Variants in BMPR1B observed in about 807,000 individuals in gnomAD.
BMPR1B encodes the protein bone morphogenetic protein receptor type 1B, also known as bone morphogenetic protein receptor type-1B.
BMPR1B carries 12 observed loss-of-function variants against 59.1 expected under a neutral mutation model. That is an observed-to-expected ratio of 0.20 (90% CI 0.13 to 0.33). BMPR1B has a LOEUF of 0.33. Ranked by LOEUF, BMPR1B falls within the 10% of genes least tolerant of loss-of-function variation. The pLI is 1.00. For missense variants in BMPR1B, 550 were observed against 610.9 expected (o/e 0.90, Z 1.05); for synonymous variants, 237 against 207.3 (o/e 1.14, Z -1.23).
At chr4:95,152,225 G>C (rs977401188) in intron 11 of BMPR1B, among the ~76,000 whole-genome samples, 1 of 152,082 alleles carries the variant, frequency 6.6e-6, no homozygotes. Context: ...ATACACTTCT[G>C]AATTTATTAT....
At chr4:94,858,634 A>G (rs1173229321) in intron 1 of BMPR1B, among the ~76,000 whole-genome samples, 1 of 152,202 alleles carries the variant, frequency 6.6e-6, no homozygotes. Context: ...GAAGAGTGAA[A>G]ATAGTTGTTT....
intron 2 of BMPR1B, among the ~76,000 whole-genome samples, chr4:94,932,617 T>A (rs1729133744): frequency 6.6e-6 from 1 of 152,128 alleles, no homozygotes; most frequent in Non-Finnish European, 1.5e-5. Context: ...TAAATGAGTT[T>A]GTCAAATACA....
chr4:94,886,486 T>C (rs1727174744), intron 2 of BMPR1B, among the ~76,000 whole-genome samples: 1 of 152,176 alleles, frequency 6.6e-6, no homozygotes. Context: ...TATAATGGCT[T>C]TATGTTGTAT....
At chr4:95,130,132 T>C in intron 9 of BMPR1B, 78 bp downstream of exon 9, 1 of 1,505,402 alleles carries the variant, frequency 6.6e-7, no homozygotes, top group Non-Finnish European at 9.2e-7. Context: ...GCATGTTAAC[T>C]CATCTGTCTA....
intron 2 of BMPR1B, among the ~76,000 whole-genome samples, chr4:94,919,318 G>C (rs576470483): frequency 1.1e-4 from 16 of 152,212 alleles, no homozygotes; most frequent in African/African-American, 3.6e-4. Context: ...TTCTCTTAGA[G>C]CAATTGCTCT....
At chr4:94,944,041 C>A (rs1729615064) in intron 2 of BMPR1B, among the ~76,000 whole-genome samples, 1 of 152,086 alleles carries the variant, frequency 6.6e-6, no homozygotes, top group African/African-American at 2.4e-5. Context: ...ACAAAACTTT[C>A]TTTCATGCAC....
intron 2 of BMPR1B, among the ~76,000 whole-genome samples, chr4:94,990,029 G>A (rs1054239525): frequency 6.6e-6 from 1 of 152,224 alleles, no homozygotes; most frequent in Non-Finnish European, 1.5e-5. Flanking sequence ...CATATTAGCA[G>A]TTTTACTACT....
chr4:94,873,204 G>A (rs1200609215), intron 1 of BMPR1B, among the ~76,000 whole-genome samples: 2 of 152,036 alleles, frequency 1.3e-5, no homozygotes, highest in African/African-American at 4.8e-5. Flanking sequence ...TCTCCCTTAA[G>A]TACTGACCAC....
chr4:94,890,867 A>G (rs1727366016), intron 2 of BMPR1B, among the ~76,000 whole-genome samples: 1 of 151,978 alleles, frequency 6.6e-6, no homozygotes, highest in Non-Finnish European at 1.5e-5. Flanking sequence ...GTACCATCAC[A>G]TTGGGGGTTA....
intron 1 of BMPR1B, among the ~76,000 whole-genome samples, chr4:94,858,811 T>A (rs1292296027): frequency 1.3e-5 from 2 of 152,186 alleles, no homozygotes; most frequent in Non-Finnish European, 2.9e-5. Flanking sequence ...ACTTCATTTT[T>A]AATACATCAA....
chr4:94,960,653 T>A (rs921313256), intron 2 of BMPR1B, among the ~76,000 whole-genome samples: 2 of 152,072 alleles, frequency 1.3e-5, no homozygotes, highest in Non-Finnish European at 2.9e-5. Flanking sequence ...AGGAAAACAG[T>A]TTATTGAGTA....
At chr4:94,796,751 A>G (rs1723210314) in intron 1 of BMPR1B, among the ~76,000 whole-genome samples, 1 of 152,162 alleles carries the variant, frequency 6.6e-6, no homozygotes, top group African/African-American at 2.4e-5. Flanking sequence ...TAGTGACTGT[A>G]TATTTCCAAA....
chr4:94,894,248 G>C (rs1187654655), intron 2 of BMPR1B, among the ~76,000 whole-genome samples: 1 of 152,016 alleles, frequency 6.6e-6, no homozygotes, highest in South Asian at 2.1e-4. Context: ...TACTCATTGT[G>C]TGTTGGAGAT....
intron 10 of BMPR1B, among the ~76,000 whole-genome samples, chr4:95,137,900 A>G (rs1292714553): frequency 6.6e-6 from 1 of 152,134 alleles, no homozygotes; most frequent in Non-Finnish European, 1.5e-5. Flanking sequence ...CATTCAGCCC[A>G]TTTACATTTA....
chr4:94,978,847 G>A (rs6813361), intron 2 of BMPR1B, among the ~76,000 whole-genome samples: 145,046 of 152,042 alleles, frequency 0.95, 69,220 homozygotes, highest in Middle Eastern at 0.99. Context: ...ATGAACTCAC[G>A]GTTCCACATG....
At chr4:95,098,186 C>G (rs1333513512) in intron 3 of BMPR1B, among the ~76,000 whole-genome samples, 10 of 152,088 alleles carry the variant, frequency 6.6e-5, no homozygotes, top group Admixed American at 6.6e-4. Flanking sequence ...GTTTGTTAGT[C>G]ATCTTGATGT....
intron 2 of BMPR1B, among the ~76,000 whole-genome samples, chr4:94,981,245 C>T (rs1358069597): frequency 6.6e-6 from 1 of 151,658 alleles, no homozygotes; most frequent in Non-Finnish European, 1.5e-5. Context: ...GCTCTATTGC[C>T]CAGTTTGGAG....
At chr4:94,816,953 G>T (rs556252773) in intron 1 of BMPR1B, among the ~76,000 whole-genome samples, 1 of 152,168 alleles carries the variant, frequency 6.6e-6, no homozygotes, top group South Asian at 2.1e-4. Flanking sequence ...AAGATGTGGG[G>T]CCTTTAGGAG....
At chr4:94,848,096 G>A (rs1373006107) in intron 1 of BMPR1B, among the ~76,000 whole-genome samples, 1 of 152,158 alleles carries the variant, frequency 6.6e-6, no homozygotes, top group Non-Finnish European at 1.5e-5. Context: ...ATTCAAGGAT[G>A]TAAGCATAAG....
Sources: allele counts gnomAD v4.1 joint callset (sites outside exome capture counted in the v4.1 genomes callset), GRCh38; gene constraint gnomAD v4.1.1; transcripts MANE v1.5; gene names NCBI Gene and HGNC (gene_info 2026-07-23, HGNC 2026-07-21).